The following TASP1 variants were observed in gnomAD, a reference collection of about 807,000 sequenced individuals.
The protein encoded by TASP1 is threonine aspartase 1.
Under a neutral mutation model 56.6 loss-of-function variants are expected in TASP1, and 16 were observed. That is an observed-to-expected ratio of 0.28 (90% CI 0.19 to 0.43). The LOEUF is 0.43. Ranked by LOEUF, TASP1 falls within the 20% of genes least tolerant of loss-of-function variation. The pLI, the probability that TASP1 is intolerant of heterozygous loss-of-function variation, is 1.00. For missense variants in TASP1, 393 were observed against 511.6 expected, an observed-to-expected ratio of 0.77 and a Z score of 2.24; for synonymous variants, 179 against 184.2, an observed-to-expected ratio of 0.97 and a Z score of 0.23.
chr20:13,373,851 T>A, the TASP1 span, among the ~76,000 whole-genome samples: 67 of 152,276 alleles, frequency 4.4e-4, 3 homozygotes, highest in East Asian at 0.013. Context: ...TTCTCTTTCT[T>A]TTCTTCTTCT....
the TASP1 span, among the ~76,000 whole-genome samples, chr20:13,333,007 C>G: frequency 6.6e-6 from 1 of 152,240 alleles, no homozygotes; most frequent in Non-Finnish European, 1.5e-5. Flanking sequence ...AGCAGACACA[C>G]AAATTCACAT....
the TASP1 span, chr20:13,164,580 C>G: frequency 1.6e-6 from 1 of 612,530 alleles, no homozygotes; most frequent in South Asian, 2.0e-5. Flanking sequence ...TAACATTCCT[C>G]TAGGGTCTTA....
chr20:13,454,964 G>T (rs2146313169), intron 11 of TASP1, among the ~76,000 whole-genome samples: 1 of 152,140 alleles, frequency 6.6e-6, no homozygotes, highest in East Asian at 1.9e-4. Flanking sequence ...CTTTGTGGTG[G>T]AATTTAAGCT....
chr20:13,244,649 A>G, the TASP1 span, among the ~76,000 whole-genome samples: 1 of 152,258 alleles, frequency 6.6e-6, no homozygotes, highest in South Asian at 2.1e-4. Flanking sequence ...CATAATTTAA[A>G]CACAGATAAG....
chr20:13,458,169 G>A (rs1357834808), intron 11 of TASP1, among the ~76,000 whole-genome samples: 1 of 151,948 alleles, frequency 6.6e-6, no homozygotes, highest in African/African-American at 2.4e-5. Flanking sequence ...TAGAAGTAAT[G>A]GTCAATCCGA....
chr20:13,208,096 G>A, the TASP1 span, among the ~76,000 whole-genome samples: 7 of 152,104 alleles, frequency 4.6e-5, no homozygotes, highest in Non-Finnish European at 8.8e-5. Context: ...CTCTCACTAC[G>A]ATTAACTGAA....
chr20:13,129,058 T>C, the TASP1 span, among the ~76,000 whole-genome samples: 60 of 151,936 alleles, frequency 3.9e-4, no homozygotes, highest in African/African-American at 1.3e-3. Context: ...GTATTTTTAG[T>C]AGAGATGGGG....
chr20:13,555,132 C>A (rs2046111672), intron 8 of TASP1, among the ~76,000 whole-genome samples: 1 of 151,996 alleles, frequency 6.6e-6, no homozygotes, highest in Non-Finnish European at 1.5e-5. Context: ...GCCTGTAATC[C>A]CAGCACTTTG....
chr20:13,267,170 T>C, the TASP1 span, among the ~76,000 whole-genome samples: 1 of 152,306 alleles, frequency 6.6e-6, no homozygotes, highest in East Asian at 1.9e-4. Context: ...GGGCATGCCA[T>C]TGCAAGGAGG....
rs531135935 is a variant in TASP1, at chr20:13,507,172, A to C, written c.874+21261T>G. ...AGAAAATAATCCCATTTATAATAGC[A>C]TCAAAAAGAATAAAATATTCAGATA... On this transcript the variant is annotated intron_variant, in intron 10 of 13. Transcript: ENST00000337743. Among the ~76,000 whole-genome samples, 48 of 152,316 alleles carry C rather than the reference A, an allele frequency of 3.2e-4. 1 individual carries two copies. The South Asian group carries it at 4.4e-3, about 14-fold the overall frequency.
chr20:13,510,443 T>C (rs2044287078), intron 10 of TASP1, among the ~76,000 whole-genome samples: 1 of 152,214 alleles, frequency 6.6e-6, no homozygotes, highest in African/African-American at 2.4e-5. Context: ...AACTTTGTGG[T>C]GGCATTTTTT....
At chr20:13,432,728 T>C (rs1202803275) in intron 12 of TASP1, among the ~76,000 whole-genome samples, 6 of 152,166 alleles carry the variant, frequency 3.9e-5, no homozygotes, top group African/African-American at 1.4e-4. Flanking sequence ...ACTACATTGG[T>C]AATAAAAACT....
At chr20:13,141,505 A>G in the TASP1 span, among the ~76,000 whole-genome samples, 43 of 152,040 alleles carry the variant, frequency 2.8e-4, no homozygotes, top group Non-Finnish European at 1.0e-4. Flanking sequence ...TCTCCATCCA[A>G]CTCAGCCAGG....
chr20:13,206,833 T>G, the TASP1 span, among the ~76,000 whole-genome samples: 1 of 152,204 alleles, frequency 6.6e-6, no homozygotes, highest in East Asian at 1.9e-4. Context: ...AATTCTTCTG[T>G]GTGCCCAGGG....
At chr20:13,232,094 A>T in the TASP1 span, among the ~76,000 whole-genome samples, 6 of 152,188 alleles carry the variant, frequency 3.9e-5, no homozygotes, top group African/African-American at 1.4e-4. Flanking sequence ...CTCACAGGTA[A>T]CCCTGGGAGA....
chr20:13,570,323 A>C (rs1278649291), intron 6 of TASP1, among the ~76,000 whole-genome samples: 12 of 151,978 alleles, frequency 7.9e-5, no homozygotes, highest in Non-Finnish European at 1.5e-4. Flanking sequence ...ATAATTAATC[A>C]CTCCATCTTC....
intron 11 of TASP1, among the ~76,000 whole-genome samples, chr20:13,438,755 A>T (rs1256173187): frequency 6.6e-6 from 1 of 152,236 alleles, no homozygotes; most frequent in Non-Finnish European, 1.5e-5. Flanking sequence ...CAATCTACTC[A>T]TCTGACAAAG....
At chr20:13,144,080 T>A in the TASP1 span, among the ~76,000 whole-genome samples, 15 of 152,210 alleles carry the variant, frequency 9.9e-5, no homozygotes, top group Admixed American at 6.5e-4. Context: ...GTGGCATTTT[T>A]AGCTTATGAT....
chr20:13,393,642 G>A, intron 13 of TASP1: 1 of 1,292,012 alleles, frequency 7.7e-7, no homozygotes, highest in Non-Finnish European at 1.1e-6. Context: ...TATGGTGGTG[G>A]ACCTCATGGC....
Sources: gnomAD v4.1 joint callset for allele counts (sites outside exome capture counted in the v4.1 genomes callset) on GRCh38, gnomAD v4.1.1 for gene constraint, MANE v1.5 for transcripts, NCBI Gene and HGNC (gene_info 2026-07-23, HGNC 2026-07-21) for gene names.